The following DYNC1H1 variants were observed in gnomAD, a reference collection of about 807,000 sequenced individuals.
The protein encoded by DYNC1H1 is dynein cytoplasmic 1 heavy chain 1.
DYNC1H1 carries 51 observed loss-of-function variants against 527.1 expected under a neutral mutation model. The ratio of observed to expected loss-of-function variants is 0.10; its 90% confidence interval spans 0.08 to 0.12. The LOEUF (loss-of-function observed/expected upper bound fraction) is 0.12, where lower values mean the gene tolerates loss of function less well. Ranked by LOEUF, DYNC1H1 falls within the 10% of genes least tolerant of loss-of-function variation. The pLI is 1.00. For missense variants in DYNC1H1, 2,771 were observed against 5,971.8 expected (o/e 0.46, Z 17.66); for synonymous variants, 2,189 against 2,278.8 (o/e 0.96, Z 1.12).
In DYNC1H1 at chr14:102,048,050, C is replaced by T. The variant is rs201510125; in HGVS notation, c.13218+22C>T. 4.4e-5 allele frequency: 70 copies of T among 1,599,250 alleles called. No individual in the cohort carries two copies. The African/African-American group carries it at 7.8e-4, about 18-fold the overall frequency. On this transcript the variant is annotated intron_variant, in intron 73 of 77. Transcript: ENST00000360184. ...CAAGGTAGCTGGGAGGGTGGCGGGC[C>T]GGCCAGGTCTCAAGGTCCCAGGTGC...
rs1396795707 is a variant in DYNC1H1 at position 102,047,637 on chromosome 14, GTGTGTATATATATATATATATA to G, written c.13007-178_13007-157del. On this transcript the variant is annotated intron_variant, in intron 72 of 77. Coordinates refer to ENST00000360184, the MANE Select transcript of DYNC1H1 (RefSeq NM_001376.5). Reference sequence around the variant, plus strand: ...TATATACACGTGTGTGTGTGTGTGTGTGTGTATATATATATATATATATATATGTACACACGGCTGAGCACCT... The same window carrying G: ...TATATACACGTGTGTGTGTGTGTGTGTATATGTACACACGGCTGAGCACCT... 116 of 394,244 alleles carry G rather than the reference GTGTGTATATATATATATATATA, an allele frequency of 2.9e-4. 5 individuals carry two copies. The East Asian group carries it at 6.0e-3, about 20-fold the overall frequency. The allele number at this position is 394,244 out of a possible 1,614,324, so 24.4% of individuals were successfully genotyped here. A position where few individuals can be genotyped will look rare whatever the true frequency, so the allele number is the denominator to read the frequency against.
Position 101,979,848 on chromosome 14 carries a change from T to G in DYNC1H1, c.648T>G (p.Val216=). The change falls in exon 4 of 78, where the codon GTT becomes GTG. Residue 216 remains valine, a synonymous_variant. Transcript: ENST00000360184. The surrounding 1 kb of genome is among the most constrained non-coding windows in gnomAD (Gnocchi z 4.6). ...SLPIHPMITN[V]AKQCYERGEK... is the part of the protein sequence containing the mutation. ...CGATTCATCCAATGATCACAAATGT[T>G]GCAAAACAGTGTTATGAGCGTGGAG... 1 of 1,614,218 alleles carries G rather than the reference T, an allele frequency of 6.2e-7. No individual in the cohort carries two copies. Among genetic ancestry groups the G allele is most frequent in the African/African-American group, 1.3e-5 (1 of 75,058 alleles).
In DYNC1H1 at chr14:102,002,113, T is replaced by G. The variant is rs1204062661; in HGVS notation, c.4543-424T>G. Among the ~76,000 whole-genome samples the G allele has an allele frequency of 2.6e-5, 4 of 151,334 alleles. No homozygotes were observed. The highest frequency in any genetic ancestry group is 4.4e-5 in the Non-Finnish European group (3 of 67,862). ...GTTTGTTTGCTTGCTTTTTTGTTTT[T>G]TTTTTTTCTTTTTTTGAGATGGAGT... On this transcript the variant is annotated intron_variant, in intron 21 of 77. Transcript: ENST00000360184. The surrounding 1 kb of genome is among the most constrained non-coding windows in gnomAD (Gnocchi z 4.4).
rs1305211881 is a variant in DYNC1H1, at chr14:102,002,429, G to T, written c.4543-108G>T. ...CCCGTCTACTTGTTGTTTAAAATGT[G>T]AATCAGATTACTTCATGAGATCCTG... On this transcript the variant is annotated intron_variant, in intron 21 of 77. Transcript: ENST00000360184. The surrounding 1 kb of genome is among the most constrained non-coding windows in gnomAD (Gnocchi z 4.4). The T allele has an allele frequency of 6.9e-7, 1 of 1,454,750 alleles. No individual in the cohort carries two copies. The highest frequency in any genetic ancestry group is 2.3e-5 in the East Asian group (1 of 43,826). 90.1% of individuals were successfully genotyped at this position (1,454,750 alleles called of 1,614,324 possible).
intron 51 of DYNC1H1, 120 bp from the exon 52 acceptor site, chr14:102,032,152 C>T: frequency 8.3e-7 from 1 of 1,204,704 alleles, no homozygotes; most frequent in South Asian, 1.2e-5. Flanking sequence ...CTCTTCTAAG[C>T]AGCTAGCTGT....
In DYNC1H1 at chr14:102,041,883, T is replaced by C; in HGVS notation, c.12103-130T>C. 6.7e-7 allele frequency: 1 copy of C among 1,498,680 alleles called. No homozygotes were observed. Among genetic ancestry groups the C allele is most frequent in the Non-Finnish European group, 9.2e-7 (1 of 1,092,890 alleles). The allele number at this position is 1,498,680 out of a possible 1,614,324, so 92.8% of individuals were successfully genotyped here. A position where few individuals can be genotyped will look rare whatever the true frequency, so the allele number is the denominator to read the frequency against. ...TCGCTGCAGATTCTCAACTCCTGGC[T>C]GCATGGTGCCCACACCTCTGGGCCC... On this transcript the variant is annotated intron_variant, in intron 65 of 77. Coordinates refer to ENST00000360184, the MANE Select transcript of DYNC1H1 (RefSeq NM_001376.5). The surrounding 1 kb of genome is among the most constrained non-coding windows in gnomAD (Gnocchi z 4.5).
In DYNC1H1 at chr14:101,987,385, A is replaced by T. The variant is rs1472442196; in HGVS notation, c.2539-68A>T. ...TGTCAATGTATAATATTTGAGAAGA[A>T]TGTTATGTGAGAATAAAGGAACAGA... On this transcript the variant is annotated intron_variant, in intron 8 of 77. Coordinates refer to ENST00000360184, the MANE Select transcript of DYNC1H1 (RefSeq NM_001376.5). The T allele has an allele frequency of 9.4e-6, 14 of 1,485,090 alleles. 1 individual carries two copies. Among genetic ancestry groups the T allele is most frequent in the South Asian group, 8.3e-5 (7 of 84,566 alleles). The allele number at this position is 1,485,090 out of a possible 1,614,324, so 92.0% of individuals were successfully genotyped here.
At chr14:102,006,714 C>T (rs1016290513) in intron 27 of DYNC1H1, among the ~76,000 whole-genome samples, 1 of 152,096 alleles carries the variant, frequency 6.6e-6, no homozygotes, top group African/African-American at 2.4e-5. Context: ...GATCTCCTGC[C>T]TCAGTCTCCC....
rs587780329 is a variant in DYNC1H1, at chr14:102,034,354, C to T, written c.10656C>T (p.Tyr3552=). 4 of 1,614,100 alleles carry T rather than the reference C, an allele frequency of 2.5e-6. No homozygotes were observed. In the African/African-American group the frequency reaches 5.3e-5, roughly 22 times the overall value. Residue 3552 remains tyrosine, a synonymous_variant, in exon 56 of 78, where the codon TAC becomes TAT. Transcript: ENST00000360184. ...GTACAGATATTGCCAGGACGGAATA[C>T]CTTTCCAATGCTGATGAGCGTCTTC... ...QFRTDIARTE[Y]LSNADERLRW...
At chr14:102,009,505 CTT>C (rs34292577) in intron 29 of DYNC1H1, 5,061 of 253,712 alleles carry the variant, frequency 0.02, no homozygotes, top group South Asian at 0.038. Flanking sequence ...GCATTTATTC[CTT>C]TTTTTTTTTT....
At chr14:102,008,890 C>G (rs993039034) in intron 29 of DYNC1H1, among the ~76,000 whole-genome samples, 2 of 152,206 alleles carry the variant, frequency 1.3e-5, no homozygotes, top group Non-Finnish European at 1.5e-5. Context: ...AAAACCTGAG[C>G]AGTCCTTCCT....
chr14:102,024,872 T>A (rs1368824386), intron 43 of DYNC1H1, among the ~76,000 whole-genome samples: 1 of 151,432 alleles, frequency 6.6e-6, no homozygotes. Flanking sequence ...TTTTTTGTAT[T>A]TTTAGTAGAG....
At chr14:101,998,315 A>G (rs946633767) in intron 16 of DYNC1H1, among the ~76,000 whole-genome samples, 1 of 145,424 alleles carries the variant, frequency 6.9e-6, no homozygotes, top group Admixed American at 7.1e-5. Context: ...TCTCCCCTCT[A>G]TAAGAGCTGA....
intron 72 of DYNC1H1, 159 bp from the exon 73 acceptor site, chr14:102,047,658 T>G: frequency 3.6e-6 from 2 of 556,712 alleles, no homozygotes. Context: ...TATATATATA[T>G]ATATATGTAC....
In DYNC1H1 at chr14:101,986,030, G is replaced by A. The variant is rs767680991; in HGVS notation, c.1805G>A (p.Arg602His). The change falls in exon 8 of 78, where the codon CGC becomes CAC. Residue 602 changes from arginine to histidine, a missense_variant. Coordinates refer to ENST00000360184, the MANE Select transcript of DYNC1H1 (RefSeq NM_001376.5). The surrounding 1 kb of genome is among the most constrained non-coding windows in gnomAD (Gnocchi z 8.7). ...AGGCCTCACATCCGTGGGGCCATTC[G>A]CGAATACCAGACCCAGCTGATCCAG... ...FVRPHIRGAI[R>H]EYQTQLIQRV... The A allele has an allele frequency of 1.9e-6, 3 of 1,614,188 alleles. No homozygotes were observed. In the South Asian group the frequency reaches 3.3e-5, roughly 18 times the overall value.
rs193273916 is a variant in DYNC1H1, at chr14:101,991,796, C to T, written c.3015+123C>T. On this transcript the variant is annotated intron_variant, in intron 11 of 77. Transcript: ENST00000360184. ...ATGTTGTTTACAAACTCCAGACATC[C>T]CAGGGGAAAGTTAGGGAGGCTTTTT... The T allele has an allele frequency of 1.4e-4, 194 of 1,419,044 alleles. No homozygotes were observed. In the African/African-American group the frequency reaches 2.4e-3, roughly 18 times the overall value. 87.9% of individuals were successfully genotyped at this position (1,419,044 alleles called of 1,614,324 possible). A position where few individuals can be genotyped will look rare whatever the true frequency, so the allele number is the denominator to read the frequency against.
At position 101,979,557 on chromosome 14, in the gene DYNC1H1, T is replaced by C. The variant is rs535502026; in HGVS notation, c.518+65T>C. 5 of 1,609,966 alleles carry C rather than the reference T, an allele frequency of 3.1e-6. No homozygotes were observed. The South Asian group carries it at 4.4e-5, about 14-fold the overall frequency. On this transcript the variant is annotated intron_variant, in intron 3 of 77. Coordinates refer to ENST00000360184, the MANE Select transcript of DYNC1H1 (RefSeq NM_001376.5). The surrounding 1 kb of genome is among the most constrained non-coding windows in gnomAD (Gnocchi z 4.6). ...TCACAAGATAGTATAGAACTCGGTGTAAAACTTGGGAATTGGGAGGGTAAC... is the reference window on the plus strand; with the variant it reads ...TCACAAGATAGTATAGAACTCGGTGCAAAACTTGGGAATTGGGAGGGTAAC...
chr14:102,031,808 G>T (rs909404955), intron 51 of DYNC1H1, among the ~76,000 whole-genome samples: 1 of 152,112 alleles, frequency 6.6e-6, no homozygotes, highest in Non-Finnish European at 1.5e-5. Flanking sequence ...TAGGAAATTA[G>T]CTGGGCGTGG....
At chr14:101,972,010 G>C (rs966648503) in intron 1 of DYNC1H1, among the ~76,000 whole-genome samples, 17 of 152,030 alleles carry the variant, frequency 1.1e-4, no homozygotes, top group Admixed American at 3.3e-4. Context: ...TACAGTATTG[G>C]TCTGTTACAT....
Sources: gnomAD v4.1 joint callset for allele counts (sites outside exome capture counted in the v4.1 genomes callset) on GRCh38, gnomAD v4.1.1 for gene constraint, Gnocchi (gnomAD v3.1) non-coding constraint, MANE v1.5 for transcripts, NCBI Gene and HGNC (gene_info 2026-07-23, HGNC 2026-07-21) for gene names.